Variants in FZD3 observed in about 807,000 individuals in gnomAD.
The protein encoded by FZD3 is frizzled-3.
FZD3 carries 30 observed loss-of-function variants against 60.7 expected under a neutral mutation model. The observed-to-expected ratio is 0.49, with a 90% CI of 0.37 to 0.67. The LOEUF (loss-of-function observed/expected upper bound fraction) is 0.67, where lower values mean the gene tolerates loss of function less well. Ranked by LOEUF, FZD3 falls within the 30% of genes least tolerant of loss-of-function variation. The pLI, the probability that FZD3 is intolerant of heterozygous loss-of-function variation, is 0.00. For synonymous variants in FZD3, 246 were observed against 275.2 expected, an observed-to-expected ratio of 0.89 and a Z score of 1.05; for missense variants, 605 against 838.7, an observed-to-expected ratio of 0.72 and a Z score of 3.44.
chr8:28,569,655 T>C lies in FZD3; in HGVS notation c.*6644T>C, dbSNP rs1805769494. ...ATTCAGATATTTTATCAACTGTTTT[T>C]CCATTAGTGATTTTAAGTAATTTTA... On this transcript the variant is annotated 3_prime_UTR_variant, in exon 8 of 8. Transcript: ENST00000240093. 6.6e-6 allele frequency: 1 copy of C among 152,178 alleles called. No individual in the cohort carries two copies. Among genetic ancestry groups the C allele is most frequent in the African/African-American group, 2.4e-5 (1 of 41,442 alleles). The allele number at this position is 152,178 out of a possible 1,614,324, so 9.4% of individuals were successfully genotyped here. A position where few individuals can be genotyped will look rare whatever the true frequency, so the allele number is the denominator to read the frequency against.
At chr8:28,499,029 C>T (rs1207302763) in intron 1 of FZD3, among the ~76,000 whole-genome samples, 1 of 152,142 alleles carries the variant, frequency 6.6e-6, no homozygotes, top group East Asian at 1.9e-4. Flanking sequence ...TATTCCTTGG[C>T]TTGTTGCTTA....
chr8:28,561,947 C>A (rs1051703866), intron 7 of FZD3, among the ~76,000 whole-genome samples: 18 of 152,170 alleles, frequency 1.2e-4, no homozygotes, highest in Non-Finnish European at 4.4e-5. Context: ...TCTCATTCCT[C>A]ATGGCAAAGC....
At chr8:28,521,719 T>A (rs1804585112) in intron 4 of FZD3, among the ~76,000 whole-genome samples, 1 of 152,234 alleles carries the variant, frequency 6.6e-6, no homozygotes, top group Non-Finnish European at 1.5e-5. Flanking sequence ...TACAGCTTTT[T>A]TGTATGTATC....
At chr8:28,528,198 A>G (rs1804770604) in intron 5 of FZD3, 34 bp downstream of exon 5, 2 of 1,500,950 alleles carry the variant, frequency 1.3e-6, no homozygotes, top group Non-Finnish European at 1.8e-6. Flanking sequence ...TTCAGAATAT[A>G]TGATAATGAA....
intron 5 of FZD3, among the ~76,000 whole-genome samples, chr8:28,533,914 C>A (rs999950330): frequency 7.2e-5 from 11 of 151,890 alleles, no homozygotes; most frequent in African/African-American, 2.2e-4. Context: ...TCCAATCTTG[C>A]TTCCATAAAT....
In FZD3 at chr8:28,503,141, C is replaced by G; in HGVS notation, c.128C>G (p.Thr43Ser). ...ATGTGCCAAGATTTGCCTTATAATA[C>G]TACCTTCATGCCTAATCTTCTGAAT... is the stretch of plus-strand genomic sequence containing the variant. ...LRMCQDLPYNTTFMPNLLNHY... is the reference protein window; with the variant it reads ...LRMCQDLPYNSTFMPNLLNHY... Residue 43 changes from threonine to serine, a missense_variant, in exon 3 of 8, where the codon ACT (threonine) becomes AGT (serine). By Grantham distance (58) the Thr-to-Ser change is moderately conservative. Coordinates refer to ENST00000240093, the MANE Select transcript of FZD3 (RefSeq NM_017412.4). 6.2e-7 allele frequency: 1 copy of G among 1,613,416 alleles called. No homozygotes were observed.
rs923621350 is a variant in FZD3 at position 28,566,733 on chromosome 8, A to G, written c.*3722A>G. ...ATTTATATTGCTTTTTGACATGCCAAAGGTACATTTACATATTACCATATT... is the reference window on the plus strand; with the variant it reads ...ATTTATATTGCTTTTTGACATGCCAGAGGTACATTTACATATTACCATATT... On this transcript the variant is annotated 3_prime_UTR_variant, in exon 8 of 8. Coordinates refer to ENST00000240093, the MANE Select transcript of FZD3 (RefSeq NM_017412.4). The G allele has an allele frequency of 1.3e-5, 2 of 152,144 alleles. No individual in the cohort carries two copies. The highest frequency in any genetic ancestry group is 4.8e-5 in the African/African-American group (2 of 41,422). The allele number at this position is 152,144 out of a possible 1,614,324, so 9.4% of individuals were successfully genotyped here. A position where few individuals can be genotyped will look rare whatever the true frequency, so the allele number is the denominator to read the frequency against.
At chr8:28,560,797 G>A (rs905912868) in intron 7 of FZD3, among the ~76,000 whole-genome samples, 27 of 152,120 alleles carry the variant, frequency 1.8e-4, no homozygotes, top group African/African-American at 6.3e-4. Flanking sequence ...CAGTTTTAAG[G>A]CAATAATCAT....
chr8:28,538,221 C>T (rs17059202), intron 5 of FZD3, among the ~76,000 whole-genome samples: 1 of 151,588 alleles, frequency 6.6e-6, no homozygotes, highest in Non-Finnish European at 1.5e-5. Flanking sequence ...CTATAATAAA[C>T]ACATGTAAAT....
chr8:28,559,577 A>T (rs185705351), intron 7 of FZD3, among the ~76,000 whole-genome samples: 1 of 152,328 alleles, frequency 6.6e-6, no homozygotes, highest in African/African-American at 2.4e-5. Context: ...CAAGAGCCAG[A>T]ATGACAGTGG....
chr8:28,529,737 T>G (rs1426448396), intron 5 of FZD3, among the ~76,000 whole-genome samples: 1 of 152,124 alleles, frequency 6.6e-6, no homozygotes, highest in East Asian at 1.9e-4. Flanking sequence ...AACTCATAAC[T>G]TAGAGACTAG....
At chr8:28,520,523 T>C (rs1334659264) in intron 3 of FZD3, 115 bp from the exon 4 acceptor site, 1 of 654,450 alleles carries the variant, frequency 1.5e-6, no homozygotes, top group East Asian at 2.8e-5. Context: ...CTTCAGAAAA[T>C]TTTAATAACC....
At chr8:28,522,884 C>G (rs375547442) in intron 4 of FZD3, among the ~76,000 whole-genome samples, 3 of 150,896 alleles carry the variant, frequency 2.0e-5, no homozygotes, top group South Asian at 2.1e-4. Context: ...ATTCTCCTAC[C>G]TCAGTCTCCC....
intron 5 of FZD3, among the ~76,000 whole-genome samples, chr8:28,551,251 G>A (rs1456757393): frequency 6.6e-6 from 1 of 152,106 alleles, no homozygotes; most frequent in East Asian, 1.9e-4. Flanking sequence ...AAGATTTTGG[G>A]CCAGGCGCAG....
intron 3 of FZD3, among the ~76,000 whole-genome samples, chr8:28,516,244 A>G (rs144963694): frequency 1.3e-5 from 2 of 152,286 alleles, no homozygotes; most frequent in Admixed American, 6.5e-5. Context: ...TCGTAATTCT[A>G]TCCCATTAAG....
intron 6 of FZD3, 95 bp from the exon 7 acceptor site, chr8:28,555,643 A>T: frequency 1.3e-6 from 1 of 746,678 alleles, no homozygotes; most frequent in Non-Finnish European, 2.3e-6. Context: ...GCAAGCAATT[A>T]ATTTCAAGAA....
At chr8:28,524,733 T>G (rs1389228695) in intron 4 of FZD3, among the ~76,000 whole-genome samples, 1 of 141,698 alleles carries the variant, frequency 7.1e-6, no homozygotes, top group African/African-American at 2.6e-5. Context: ...TACCGATGAC[T>G]CCTAAACCTA....
intron 3 of FZD3, among the ~76,000 whole-genome samples, chr8:28,515,330 A>G (rs1462812734): frequency 6.6e-6 from 1 of 152,200 alleles, no homozygotes; most frequent in African/African-American, 2.4e-5. Flanking sequence ...CGGGAGACTG[A>G]GACAAGTTTT....
intron 3 of FZD3, among the ~76,000 whole-genome samples, chr8:28,507,026 A>G (rs571478428): frequency 2.0e-5 from 3 of 152,208 alleles, no homozygotes; most frequent in African/African-American, 7.2e-5. Context: ...AATTTCATCC[A>G]TAAATATTTT....
Sources: gnomAD v4.1 joint callset for allele counts (sites outside exome capture counted in the v4.1 genomes callset) on GRCh38, gnomAD v4.1.1 for gene constraint, MANE v1.5 for transcripts, NCBI Gene and HGNC (gene_info 2026-07-23, HGNC 2026-07-21) for gene names.